The following KL variants were observed in gnomAD, a reference collection of about 807,000 sequenced individuals.
KL encodes klotho.
In KL, 62 loss-of-function variants were observed where a neutral mutation model predicts 84.2. That is an observed-to-expected ratio of 0.74 (90% confidence interval 0.60 to 0.91). KL has a LOEUF of 0.91. Among genes scored for constraint, KL ranks in the 40% least tolerant of loss-of-function variants. The probability of loss-of-function intolerance (pLI) is 0.00; values close to 1 mark genes in which losing one functional copy is unlikely to be tolerated. For missense variants in KL, 1,261 were observed against 1,305.7 expected (o/e 0.97, Z 0.53); for synonymous variants, 528 against 528.0 (o/e 1.00, Z 0.00).
In KL at chr13:33,063,894, C is replaced by G; in HGVS notation, c.2747C>G (p.Ser916Trp). Residue 916 changes from serine to tryptophan, a missense_variant, in exon 5 of 5, where the codon TCG (serine) becomes TGG (tryptophan). Coordinates refer to ENST00000380099, the MANE Select transcript of KL (RefSeq NM_004795.4). ...GINLCGYFAY[S>W]FNDRTAPRFG... The stretch of plus-strand genomic sequence containing the variant: ...AATCTTTGCGGATACTTTGCTTATT[C>G]GTTTAACGACCGCACAGCTCCGAGG... The G allele has an allele frequency of 6.2e-7, 1 of 1,614,078 alleles. No individual in the cohort carries two copies.
intron 1 of KL, among the ~76,000 whole-genome samples, chr13:33,021,957 T>C (rs1225266371): frequency 1.3e-5 from 2 of 152,246 alleles, no homozygotes; most frequent in African/African-American, 4.8e-5. Flanking sequence ...AGAATACTAC[T>C]GAATTCAATA....
Position 33,061,581 on chromosome 13 carries a change from C to A in KL, c.2502C>A (p.Thr834=), listed in dbSNP as rs147748913. 1 of 1,614,024 alleles carries A rather than the reference C, an allele frequency of 6.2e-7. No homozygotes were observed. Among genetic ancestry groups the A allele is most frequent in the African/African-American group, 1.3e-5 (1 of 74,892 alleles). The change falls in exon 4 of 5, where the codon ACC becomes ACA. Residue 834 remains threonine, a synonymous_variant. Transcript: ENST00000380099. ...YNDYLEVQEM[T]DITWLNSPSQ... is the part of the protein sequence containing the mutation. ...ATTACCTAGAAGTGCAAGAAATGAC[C>A]GACATCACGTGGCTCAACTCCCCCA...
chr13:33,043,320 A>C (rs1405370956), intron 1 of KL, among the ~76,000 whole-genome samples: 1 of 151,692 alleles, frequency 6.6e-6, no homozygotes, highest in Non-Finnish European at 1.5e-5. Flanking sequence ...CCCAGGTTCA[A>C]GGGATTTTCA....
intron 2 of KL, 60 bp from the exon 3 acceptor site, chr13:33,054,987 A>G: frequency 6.2e-7 from 1 of 1,609,986 alleles, no homozygotes; most frequent in Admixed American, 1.7e-5. Context: ...CTGCTCTTGA[A>G]CCATGATGCA....
chr13:33,065,257 T>A lies in KL; in HGVS notation c.*1071T>A. The A allele has an allele frequency of 4.6e-6, 1 of 216,460 alleles. No individual in the cohort carries two copies. The highest frequency in any genetic ancestry group is 9.3e-6 in the Non-Finnish European group (1 of 107,368). 13.4% of individuals were successfully genotyped at this position (216,460 alleles called of 1,614,324 possible). A position where few individuals can be genotyped will look rare whatever the true frequency, so the allele number is the denominator to read the frequency against. On this transcript the variant is annotated 3_prime_UTR_variant, in exon 5 of 5. Coordinates refer to ENST00000380099, the MANE Select transcript of KL (RefSeq NM_004795.4). ...CAATCTGGTCTGAATAACACTGGAT[T>A]TGTTTCTGTGATCTCTGAGGTCTAT...
chr13:33,045,962 G>C (rs1871514587), intron 1 of KL, among the ~76,000 whole-genome samples: 1 of 151,996 alleles, frequency 6.6e-6, no homozygotes, highest in Non-Finnish European at 1.5e-5. Context: ...TTTTTTTAAT[G>C]TTTACCCATC....
Position 33,064,473 on chromosome 13 carries a change from C to A in KL, c.*287C>A. 3.1e-6 allele frequency: 1 copy of A among 326,694 alleles called. No homozygotes were observed. Among genetic ancestry groups the A allele is most frequent in the Non-Finnish European group, 5.7e-6 (1 of 176,230 alleles). 20.2% of individuals were successfully genotyped at this position (326,694 alleles called of 1,614,324 possible). A position where few individuals can be genotyped will look rare whatever the true frequency, so the allele number is the denominator to read the frequency against. On this transcript the variant is annotated 3_prime_UTR_variant, in exon 5 of 5. Coordinates refer to ENST00000380099, the MANE Select transcript of KL (RefSeq NM_004795.4). ...AAAAGCATGAAAAATAGGAACCACA[C>A]CAATGCAACATTTGTGCAGAAATTT...
intron 1 of KL, among the ~76,000 whole-genome samples, chr13:33,040,213 T>G (rs1871288479): frequency 6.6e-6 from 1 of 152,226 alleles, no homozygotes; most frequent in South Asian, 2.1e-4. Flanking sequence ...CTTAAGGAAC[T>G]GCAGCTTATA....
chr13:33,054,216 C>T lies in KL; in HGVS notation c.1269C>T (p.Thr423=). 2.5e-6 allele frequency: 4 copies of T among 1,613,498 alleles called. No individual in the cohort carries two copies. Among genetic ancestry groups the T allele is most frequent in the Non-Finnish European group, 3.4e-6 (4 of 1,179,840 alleles). The stretch of plus-strand genomic sequence containing the variant: ...ATGGCTGGTTTGTCTCAGGGACCAC[C>T]AAGAGAGATGATGCCAAATATATGT... ...VENGWFVSGT[T]KRDDAKYMYY... Residue 423 remains threonine, a synonymous_variant, in exon 2 of 5, where the codon ACC becomes ACT. Transcript: ENST00000380099.
chr13:33,029,858 C>G (rs530507048), intron 1 of KL, among the ~76,000 whole-genome samples: 24 of 152,092 alleles, frequency 1.6e-4, no homozygotes, highest in Non-Finnish European at 3.2e-4. Context: ...TGGTCTCGAT[C>G]TCCTGACCTT....
At chr13:33,044,452 G>C (rs1419278528) in intron 1 of KL, among the ~76,000 whole-genome samples, 1 of 152,036 alleles carries the variant, frequency 6.6e-6, no homozygotes, top group African/African-American at 2.4e-5. Context: ...CATGAAAATG[G>C]TATCTCATTC....
At chr13:33,051,852 G>A (rs1032359947) in intron 1 of KL, among the ~76,000 whole-genome samples, 1 of 152,234 alleles carries the variant, frequency 6.6e-6, no homozygotes, top group Non-Finnish European at 1.5e-5. Flanking sequence ...CTCAAATGCG[G>A]TCAAATTAGG....
chr13:33,027,266 G>C (rs1316214318), intron 1 of KL, among the ~76,000 whole-genome samples: 3 of 152,082 alleles, frequency 2.0e-5, no homozygotes, highest in Non-Finnish European at 4.4e-5. Flanking sequence ...GTTAGTGCCG[G>C]GTCAGCTCCT....
At chr13:33,063,511 G>A (rs137860262) in intron 4 of KL, among the ~76,000 whole-genome samples, 8 of 152,070 alleles carry the variant, frequency 5.3e-5, no homozygotes, top group African/African-American at 1.9e-4. Context: ...GGTGACTCAC[G>A]CCTGTAATCC....
chr13:33,032,842 A>T (rs1010353945), intron 1 of KL, among the ~76,000 whole-genome samples: 2 of 152,190 alleles, frequency 1.3e-5, no homozygotes, highest in East Asian at 1.9e-4. Flanking sequence ...TCTCTCCAGG[A>T]TCTACATCTT....
rs1431938131 is a variant in KL, at chr13:33,065,701, TAA to T, written c.*1516_*1517del. On this transcript the variant is annotated 3_prime_UTR_variant, in exon 5 of 5. Coordinates refer to ENST00000380099, the MANE Select transcript of KL (RefSeq NM_004795.4). ...TTTTATGTATATATTTTTCTGATTATAAGAGTAATATATGTTCATTGTAAAAA... is the reference window on the plus strand; with the variant it reads ...TTTTATGTATATATTTTTCTGATTATGAGTAATATATGTTCATTGTAAAAA... The T allele has an allele frequency of 1.1e-5, 2 of 176,750 alleles. No individual in the cohort carries two copies. Among genetic ancestry groups the T allele is most frequent in the African/African-American group, 2.4e-5 (1 of 42,252 alleles). 10.9% of individuals were successfully genotyped at this position (176,750 alleles called of 1,614,324 possible).
At chr13:33,057,472 C>A (rs1008066931) in intron 3 of KL, among the ~76,000 whole-genome samples, 2 of 152,112 alleles carry the variant, frequency 1.3e-5, no homozygotes, top group African/African-American at 4.8e-5. Flanking sequence ...GAGATAATTC[C>A]TTTTCCTACT....
intron 1 of KL, among the ~76,000 whole-genome samples, chr13:33,036,503 A>T (rs1446559319): frequency 6.6e-6 from 1 of 152,020 alleles, no homozygotes; most frequent in African/African-American, 2.4e-5. Context: ...GTCTCTTCCC[A>T]TGTCAGCAAC....
chr13:33,025,059 G>A (rs1490963004), intron 1 of KL, among the ~76,000 whole-genome samples: 2 of 152,170 alleles, frequency 1.3e-5, no homozygotes, highest in African/African-American at 4.8e-5. Flanking sequence ...TGTCAGAAAA[G>A]AGGGATAAGG....
Sources: gnomAD v4.1 joint callset for allele counts (sites outside exome capture counted in the v4.1 genomes callset) on GRCh38, gnomAD v4.1.1 for gene constraint, MANE v1.5 for transcripts, NCBI Gene and HGNC (gene_info 2026-07-23, HGNC 2026-07-21) for gene names.